NLGN4Y: variants seen among roughly 807,000 people sequenced by gnomAD.
NLGN4Y encodes the protein neuroligin 4 Y-linked.
In NLGN4Y, 4 loss-of-function variants were observed where a neutral mutation model predicts 8.4. The observed-to-expected ratio is 0.48, with a 90% CI of 0.23 to 1.09. The LOEUF is 1.09. Ranked by LOEUF, NLGN4Y falls within the 50% of genes least tolerant of loss-of-function variation. NLGN4Y has a pLI of 0.19. For synonymous variants in NLGN4Y, 35 were observed against 75.6 expected (o/e 0.46, Z 2.78); for missense variants, 90 against 192.3 (o/e 0.47, Z 3.15).
At chrY:14,556,165 G>T in intron 1 of NLGN4Y, among the ~76,000 whole-genome samples, 1 of 32,196 alleles carries the variant, frequency 3.1e-5, no homozygotes, top group African/African-American at 1.2e-4. Context: ...AACAAACAAA[G>T]AAAAAATGGT....
intron 1 of NLGN4Y, among the ~76,000 whole-genome samples, chrY:14,559,986 G>C: frequency 3.0e-5 from 1 of 33,454 alleles, no homozygotes; most frequent in Admixed American, 2.8e-4. Flanking sequence ...ATAAATTTTT[G>C]TCTTATGATA....
intron 2 of NLGN4Y, among the ~76,000 whole-genome samples, chrY:14,708,947 A>T (rs944023486): frequency 3.0e-5 from 1 of 33,354 alleles, no homozygotes; most frequent in Non-Finnish European, 7.4e-5. Context: ...GCCAAGCACT[A>T]TCTCAACATG....
intron 2 of NLGN4Y, among the ~76,000 whole-genome samples, chrY:14,698,552 G>A (rs760254233): frequency 2.0e-3 from 64 of 32,634 alleles, no homozygotes; most frequent in African/African-American, 7.3e-3. Context: ...GCCTACAAGT[G>A]GCTAAATGCA....
intron 4 of NLGN4Y, among the ~76,000 whole-genome samples, chrY:14,749,827 T>C (rs2081036772): frequency 2.9e-5 from 1 of 34,116 alleles, no homozygotes; most frequent in African/African-American, 1.1e-4. Flanking sequence ...TTAAAGATCT[T>C]ATAATGTGGT....
At chrY:14,748,852 T>G in intron 4 of NLGN4Y, 1 of 16,620 alleles carries the variant, frequency 6.0e-5, no homozygotes, top group Admixed American at 1.1e-3. Context: ...AGTGTCTCAC[T>G]GGACATTGTT....
Position 14,735,443 on chromosome Y carries a change from C to T in NLGN4Y, c.685+12174C>T. 1.5e-4 allele frequency among the ~76,000 whole-genome samples: 5 copies of T among 33,863 alleles called. No individual in the cohort carries two copies. The South Asian group carries it at 2.6e-3, about 18-fold the overall frequency. 90.9% of individuals were successfully genotyped at this position (33,863 alleles called of 37,273 possible). On this transcript the variant is annotated intron_variant, in intron 4 of 6. Transcript: ENST00000684976. ...TTTGTTGCTACCACCATTTGAAAAA[C>T]ACGTTTGCTTCCCCTTCTTCCATGA...
intron 2 of NLGN4Y, chrY:14,639,695 A>G: frequency 6.4e-6 from 1 of 156,160 alleles, no homozygotes; most frequent in South Asian, 3.7e-5. Context: ...GTGAAAAGGA[A>G]TAGCCTGTGT....
chrY:14,644,567 A>T (rs990456957), intron 2 of NLGN4Y, among the ~76,000 whole-genome samples: 83 of 33,446 alleles, frequency 2.5e-3, no homozygotes, highest in Non-Finnish European at 1.2e-3. Flanking sequence ...CACATCCTTC[A>T]GTCATCAGTG....
intron 4 of NLGN4Y, among the ~76,000 whole-genome samples, chrY:14,821,231 C>T (rs2043121125): frequency 2.4e-4 from 8 of 33,363 alleles, no homozygotes; most frequent in Admixed American, 1.3e-3. Context: ...AAGCTGCTGA[C>T]CTTCACTGTG....
intron 4 of NLGN4Y, chrY:14,798,751 A>T: frequency 3.0e-5 from 1 of 33,540 alleles, no homozygotes; most frequent in African/African-American, 1.2e-4. Flanking sequence ...TTAAATATTC[A>T]GGTATATAAC....
chrY:14,582,241 G>A, intron 1 of NLGN4Y, among the ~76,000 whole-genome samples: 2 of 33,426 alleles, frequency 6.0e-5, no homozygotes, highest in African/African-American at 1.2e-4. Flanking sequence ...CTTCGTACTG[G>A]CTCTTCCGAT....
At chrY:14,527,945 G>A (rs746228186) in intron 1 of NLGN4Y, among the ~76,000 whole-genome samples, 11 of 33,532 alleles carry the variant, frequency 3.3e-4, no homozygotes, top group Middle Eastern at 0.014. Flanking sequence ...AAAAGAAGGC[G>A]ATACCTCCTA....
intron 4 of NLGN4Y, among the ~76,000 whole-genome samples, chrY:14,817,529 C>T (rs2043106680): frequency 3.0e-5 from 1 of 33,769 alleles, no homozygotes. Context: ...CAATTAGATG[C>T]CTTTTACCAT....
rs578135928 is a variant in NLGN4Y at position 14,732,537 on chromosome Y, C to T, written c.685+9268C>T. 7.6e-4 allele frequency among the ~76,000 whole-genome samples: 26 copies of T among 34,207 alleles called. No individual in the cohort carries two copies. In the East Asian group the frequency reaches 0.019, roughly 25 times the overall value. The allele number at this position is 34,207 out of a possible 37,273, so 91.8% of individuals were successfully genotyped here. ...TTCATCATGCCAGTAAGAGAATCCC[C>T]GGGATCTGCACTGGAACAGGATCCC... is the stretch of plus-strand genomic sequence containing the variant. On this transcript the variant is annotated intron_variant, in intron 4 of 6. Transcript: ENST00000684976.
At chrY:14,539,795 G>T (rs2080144429) in intron 1 of NLGN4Y, among the ~76,000 whole-genome samples, 2 of 33,206 alleles carry the variant, frequency 6.0e-5, no homozygotes, top group Non-Finnish European at 1.5e-4. Context: ...CCAAAAAAGG[G>T]AATGAAAATA....
intron 1 of NLGN4Y, among the ~76,000 whole-genome samples, chrY:14,613,126 G>T (rs776360537): frequency 1.8e-4 from 6 of 32,633 alleles, no homozygotes; most frequent in Admixed American, 1.7e-3. Context: ...CCTCAGTGAT[G>T]CCAGACACCC....
intron 2 of NLGN4Y, among the ~76,000 whole-genome samples, chrY:14,705,013 T>G: frequency 3.0e-5 from 1 of 32,814 alleles, no homozygotes; most frequent in African/African-American, 1.2e-4. Flanking sequence ...TGATATCCCC[T>G]TTATCATTTT....
chrY:14,744,099 G>T (rs2081017305), intron 4 of NLGN4Y, among the ~76,000 whole-genome samples: 1 of 33,407 alleles, frequency 3.0e-5, no homozygotes, highest in Non-Finnish European at 7.4e-5. Flanking sequence ...TGTGTTTTGG[G>T]CTTGTAAAAA....
At chrY:14,733,649 G>A (rs1056438717) in intron 4 of NLGN4Y, 1 of 123,947 alleles carries the variant, frequency 8.1e-6, no homozygotes, top group Non-Finnish European at 1.5e-5. Context: ...AGTGAAACAC[G>A]GCACTTCCCT....
Sources: gnomAD v4.1 joint callset for allele counts (sites outside exome capture counted in the v4.1 genomes callset) on GRCh38, gnomAD v4.1.1 for gene constraint, MANE v1.5 for transcripts, NCBI Gene and HGNC (gene_info 2026-07-23, HGNC 2026-07-21) for gene names.